MAP3K1: variants seen among roughly 807,000 people sequenced by gnomAD.
MAP3K1 encodes the protein mitogen-activated protein kinase kinase kinase 1.
Under a neutral mutation model 144.2 loss-of-function variants are expected in MAP3K1, and 36 were observed. The ratio of observed to expected loss-of-function variants is 0.25; its 90% CI spans 0.19 to 0.33. The LOEUF (loss-of-function observed/expected upper bound fraction) is 0.33. MAP3K1 is among the 10% of genes least tolerant of loss of function. MAP3K1 has a pLI of 1.00. For missense variants in MAP3K1, 1,650 were observed against 1,881.9 expected (o/e 0.88, Z 2.28); for synonymous variants, 718 against 688.7 (o/e 1.04, Z -0.67).
In MAP3K1 at chr5:56,847,681, A is replaced by T. The variant is rs551082257; in HGVS notation, c.483-8919A>T. The stretch of plus-strand genomic sequence containing the variant: ...TTATGACTATTTGTGGTCAAGAAAG[A>T]TGCCTTTTAATCATAAAATAATCTT... On this transcript the variant is annotated intron_variant, in intron 1 of 19. Coordinates refer to ENST00000399503, the MANE Select transcript of MAP3K1 (RefSeq NM_005921.2). Among the ~76,000 whole-genome samples the T allele has an allele frequency of 1.8e-4, 27 of 152,356 alleles. No individual in the cohort carries two copies. The South Asian group carries it at 5.4e-3, about 30-fold the overall frequency.
At chr5:56,845,949 CG>C (rs1746980968) in intron 1 of MAP3K1, among the ~76,000 whole-genome samples, 1 of 152,074 alleles carries the variant, frequency 6.6e-6, no homozygotes, top group African/African-American at 2.4e-5. Context: ...AGTTTCTCCC[CG>C]CAGGGAGATA....
Position 56,884,744 on chromosome 5 carries a change from T to C in MAP3K1, c.3900T>C (p.His1300=), listed in dbSNP as rs746940079. The change falls in exon 16 of 20, where the codon CAT becomes CAC. Residue 1300 remains histidine, a synonymous_variant. Transcript: ENST00000399503. ...ALREEIRMMS[H]LNHPNIIRML... is the part of the protein sequence containing the mutation. The stretch of plus-strand genomic sequence containing the variant: ...GAGAAGAGATAAGAATGATGAGCCA[T>C]CTGAATCATCCAAACATCATTAGGA... 6.2e-7 allele frequency: 1 copy of C among 1,613,566 alleles called. No individual in the cohort carries two copies. The highest frequency in any genetic ancestry group is 8.5e-7 in the Non-Finnish European group (1 of 1,179,592).
chr5:56,860,317 A>G (rs1747468127), intron 3 of MAP3K1, among the ~76,000 whole-genome samples: 1 of 152,204 alleles, frequency 6.6e-6, no homozygotes, highest in Non-Finnish European at 1.5e-5. Context: ...ACTCTTAGTA[A>G]ATACGTGCCT....
Position 56,872,665 on chromosome 5 carries a change from G to C in MAP3K1, c.1448G>C (p.Arg483Thr). The C allele has an allele frequency of 1.2e-6, 2 of 1,607,592 alleles. No individual in the cohort carries two copies. Among genetic ancestry groups the C allele is most frequent in the Non-Finnish European group, 1.7e-6 (2 of 1,174,822 alleles). Residue 483 changes from arginine (R) to threonine (T), a missense_variant, in exon 8 of 20, where the codon AGA (arginine) becomes ACA (threonine). Around this residue, in one of 6 missense-constraint regions of MAP3K1, gnomAD observed 125 missense variants for 179.9 expected, o/e 0.69. Transcript: ENST00000399503. ...SIWAEECRRN[R>T]EPLICPLCRS... is the part of the protein sequence containing the mutation. ...GGGGCAGAAGAGTGTAGAAGAAATA[G>C]AGAACCTTTAATATGTCCCCTTTGT... is the stretch of plus-strand genomic sequence containing the variant.
At chr5:56,880,949 G>A in intron 12 of MAP3K1, 134 bp from the exon 13 acceptor site, 1 of 1,046,424 alleles carries the variant, frequency 9.6e-7, no homozygotes, top group East Asian at 2.6e-5. Flanking sequence ...TTAGAAATGT[G>A]AATTACTCTG....
rs1250432639 is a variant in MAP3K1, at chr5:56,882,418, A to G, written c.3218A>G (p.Gln1073Arg). The G allele has an allele frequency of 1.1e-5, 17 of 1,614,144 alleles. No individual in the cohort carries two copies. In the South Asian group the frequency reaches 1.9e-4, roughly 18 times the overall value. ...SRPTPGNTSKQGDPSKNSMTL... is the reference protein window; with the variant it reads ...SRPTPGNTSKRGDPSKNSMTL... ...CCTACCCCAGGTAATACAAGTAAAC[A>G]GGGAGATCCCTCAAAAAATAGCATG... Residue 1073 changes from glutamine to arginine, a missense_variant, in exon 14 of 20, where the codon CAG (glutamine) becomes CGG (arginine). Gln to Arg is a conservative substitution (Grantham distance 43). This residue lies in a region of MAP3K1 where 841 missense variants were observed against 886.5 expected (regional missense o/e 0.95). Coordinates refer to ENST00000399503, the MANE Select transcript of MAP3K1 (RefSeq NM_005921.2).
rs199923452 is a variant in MAP3K1, at chr5:56,875,187, G to C, written c.1842G>C (p.Pro614=). 1.7e-5 allele frequency: 27 copies of C among 1,614,046 alleles called. No individual in the cohort carries two copies. Among genetic ancestry groups the C allele is most frequent in the Non-Finnish European group, 2.1e-5 (25 of 1,180,032 alleles). Reference sequence around the variant, plus strand: ...CTGGGGGCAGCAGTGGAAGCAGCCCGAGTGGGGGAGCCACCAGTGGGTCTT... The same window carrying C: ...CTGGGGGCAGCAGTGGAAGCAGCCCCAGTGGGGGAGCCACCAGTGGGTCTT... ...GNSGGSSGSS[P]SGGATSGSSQ... Residue 614 remains proline, a synonymous_variant, in exon 10 of 20, where the codon CCG becomes CCC. Transcript: ENST00000399503.
At chr5:56,824,856 CATTTT>C (rs1196813423) in intron 1 of MAP3K1, among the ~76,000 whole-genome samples, 11 of 152,030 alleles carry the variant, frequency 7.2e-5, no homozygotes, top group Admixed American at 2.0e-4. Flanking sequence ...TGACCTGAGT[CATTTT>C]ATACCTTGCA....
rs1745920122 is a variant in MAP3K1, at chr5:56,815,606, G to A, written c.33G>A (p.Ser11=). 2.3e-6 allele frequency: 3 copies of A among 1,311,608 alleles called. No individual in the cohort carries two copies. The highest frequency in any genetic ancestry group is 3.6e-5 in the Admixed American group (1 of 27,472). The allele number at this position is 1,311,608 out of a possible 1,614,324, so 81.2% of individuals were successfully genotyped here. A position where few individuals can be genotyped will look rare whatever the true frequency, so the allele number is the denominator to read the frequency against. ...CGGCGGCGGGGAATCGCGCCTCGTC[G>A]TCGGGATTCCCGGGCGCCAGGGCTA... MAAAAGNRAS[S]SGFPGARATS... The change falls in exon 1 of 20, where the codon TCG becomes TCA. Residue 11 remains serine (S), a synonymous_variant. Coordinates refer to ENST00000399503, the MANE Select transcript of MAP3K1 (RefSeq NM_005921.2).
chr5:56,891,622 G>A (rs1027122495), intron 19 of MAP3K1, among the ~76,000 whole-genome samples: 4 of 152,166 alleles, frequency 2.6e-5, no homozygotes, highest in Non-Finnish European at 5.9e-5. Flanking sequence ...CCATGCCTAT[G>A]TCCTGAATGG....
intron 1 of MAP3K1, among the ~76,000 whole-genome samples, chr5:56,855,379 C>T (rs181607103): frequency 3.9e-5 from 6 of 152,040 alleles, no homozygotes; most frequent in Non-Finnish European, 5.9e-5. Context: ...AAATATTTTA[C>T]GCTGTGGTCT....
chr5:56,819,760 T>C (rs1746098452), intron 1 of MAP3K1, among the ~76,000 whole-genome samples: 1 of 152,198 alleles, frequency 6.6e-6, no homozygotes, highest in Non-Finnish European at 1.5e-5. Flanking sequence ...TTGGAATTCT[T>C]TGCTTCTATC....
intron 1 of MAP3K1, among the ~76,000 whole-genome samples, chr5:56,845,750 C>G (rs2111829596): frequency 6.6e-6 from 1 of 152,262 alleles, no homozygotes; most frequent in Non-Finnish European, 1.5e-5. Context: ...AAGGTTTTTC[C>G]TCAAGTACCA....
intron 10 of MAP3K1, among the ~76,000 whole-genome samples, chr5:56,876,671 T>C (rs1051069820): frequency 3.3e-5 from 5 of 152,224 alleles, no homozygotes; most frequent in African/African-American, 1.2e-4. Flanking sequence ...GCACGATGGC[T>C]TTATGAAGGT....
chr5:56,839,972 G>T (rs1178910045), intron 1 of MAP3K1, among the ~76,000 whole-genome samples: 1 of 152,112 alleles, frequency 6.6e-6, no homozygotes, highest in Non-Finnish European at 1.5e-5. Flanking sequence ...GAAGTGTTTG[G>T]GGTCTCTAGA....
intron 1 of MAP3K1, among the ~76,000 whole-genome samples, chr5:56,850,414 T>TC (rs759171297): frequency 6.6e-6 from 1 of 152,202 alleles, no homozygotes; most frequent in Non-Finnish European, 1.5e-5. Context: ...TTTTCTACGA[T>TC]CGTTATAGTC....
intron 1 of MAP3K1, among the ~76,000 whole-genome samples, chr5:56,841,428 C>T (rs148819239): frequency 2.6e-5 from 4 of 152,240 alleles, no homozygotes; most frequent in African/African-American, 9.6e-5. Context: ...GTCACCCATA[C>T]TGATATACTG....
chr5:56,849,555 T>G (rs990341969), intron 1 of MAP3K1, among the ~76,000 whole-genome samples: 1 of 152,220 alleles, frequency 6.6e-6, no homozygotes. Context: ...TGAGCCATTT[T>G]TATACATTGT....
In MAP3K1 at chr5:56,871,901, T is replaced by C. The variant is rs753970474; in HGVS notation, c.1302-9T>C. ...TATGCTTAATACTTTTTCTTCCCCT[T>C]TTCTATAGCATAAAGGATGAAGAGG... is the stretch of plus-strand genomic sequence containing the variant. On this transcript the variant is annotated splice_polypyrimidine_tract_variant and intron_variant, in intron 6 of 19. Transcript: ENST00000399503. The C allele has an allele frequency of 2.7e-5, 44 of 1,613,716 alleles. No individual in the cohort carries two copies. The highest frequency in any genetic ancestry group is 3.0e-5 in the Non-Finnish European group (35 of 1,179,644).
Sources: allele counts gnomAD v4.1 joint callset (sites outside exome capture counted in the v4.1 genomes callset), GRCh38; gene constraint gnomAD v4.1.1; regional missense constraint gnomAD v4.1.1; transcripts MANE v1.5; gene names NCBI Gene and HGNC (gene_info 2026-07-23, HGNC 2026-07-21).